The following DMD variants were observed in gnomAD, a reference collection of about 807,000 sequenced individuals.
The protein encoded by DMD is dystrophin.
A neutral mutation model predicts 330.1 loss-of-function variants in DMD; 63 were observed. That is an observed-to-expected ratio of 0.19 (90% CI 0.16 to 0.24). DMD has a LOEUF of 0.24. DMD is among the 10% of genes least tolerant of loss of function. The probability of loss-of-function intolerance (pLI) is 1.00; values close to 1 mark genes in which losing one functional copy is unlikely to be tolerated. For missense variants in DMD, 3,344 were observed against 2,684.1 expected (o/e 1.25, Z -5.43); for synonymous variants, 1,223 against 959.8 (o/e 1.27, Z -5.07).
At position 33,049,636 on chromosome X, in the gene DMD, C is replaced by A. The variant is rs774339810; in HGVS notation, c.32-29436G>T. Among the ~76,000 whole-genome samples the A allele has an allele frequency of 1.0e-4, 11 of 110,508 alleles. No individual in the cohort carries two copies. The South Asian group carries it at 2.3e-3, about 23-fold the overall frequency. On this transcript the variant is annotated intron_variant, in intron 1 of 78. Coordinates refer to ENST00000357033, the MANE Select transcript of DMD (RefSeq NM_004006.3). Reference sequence around the variant, plus strand: ...TACTAAACTTGCCTAAATTAGGCCACCTCCCTCCAGAGAACAAAAGGAAAC... The same window carrying A: ...TACTAAACTTGCCTAAATTAGGCCAACTCCCTCCAGAGAACAAAAGGAAAC...
chrX:31,872,234 C>A (rs1227967925), intron 48 of DMD, among the ~76,000 whole-genome samples: 1 of 110,922 alleles, frequency 9.0e-6, no homozygotes, highest in Admixed American at 9.6e-5. Flanking sequence ...AGCTCCCTCT[C>A]CCCTCAGTGA....
At chrX:32,410,527 T>C (rs1454489397) in intron 30 of DMD, among the ~76,000 whole-genome samples, 1 of 111,693 alleles carries the variant, frequency 9.0e-6, no homozygotes, top group Non-Finnish European at 1.9e-5. Flanking sequence ...AAATCTAATA[T>C]ATCACCCCCA....
At chrX:32,485,462 C>T (rs1446680967) in intron 20 of DMD, among the ~76,000 whole-genome samples, 3 of 110,359 alleles carry the variant, frequency 2.7e-5, no homozygotes, top group Admixed American at 9.8e-5. Context: ...AAATGATGTG[C>T]GCTTGCTTCA....
At chrX:32,883,846 A>AAAAAAAAGAAAAG (rs2084251414) in intron 2 of DMD, among the ~76,000 whole-genome samples, 4 of 101,963 alleles carry the variant, frequency 3.9e-5, no homozygotes, top group African/African-American at 1.5e-4. Flanking sequence ...AAAAAAAAAA[A>AAAAAAAAGAAAAG]AAAAAGAAAA....
At chrX:32,220,857 A>G (rs746470836) in intron 43 of DMD, among the ~76,000 whole-genome samples, 89 of 108,572 alleles carry the variant, frequency 8.2e-4, no homozygotes, top group African/African-American at 2.8e-3. Flanking sequence ...TAGGAAAAAA[A>G]GTTTTTTTTC....
chrX:31,203,821 A>C, intron 67 of DMD, 140 bp downstream of exon 67: 1 of 532,184 alleles, frequency 1.9e-6, no homozygotes, highest in Non-Finnish European at 3.2e-6. Flanking sequence ...CTGCTTACTT[A>C]CAGAGGTTCC....
intron 16 of DMD, among the ~76,000 whole-genome samples, chrX:32,559,764 T>C (rs1020555691): frequency 4.2e-4 from 47 of 112,340 alleles, no homozygotes; most frequent in Non-Finnish European, 6.9e-4. Context: ...GCTTATCATT[T>C]ACAGCTATGT....
chrX:32,062,020 T>C (rs1032358336), intron 44 of DMD, among the ~76,000 whole-genome samples: 1 of 111,242 alleles, frequency 9.0e-6, no homozygotes, highest in African/African-American at 3.3e-5. Context: ...TCAATGTTTC[T>C]CATGCTGATT....
At chrX:31,294,430 C>T (rs1359416899) in intron 62 of DMD, among the ~76,000 whole-genome samples, 1 of 112,352 alleles carries the variant, frequency 8.9e-6, no homozygotes, top group Non-Finnish European at 1.9e-5. Flanking sequence ...ACATCCATGG[C>T]ATTAGAAAGA....
intron 48 of DMD, 71 bp from the exon 49 acceptor site, chrX:31,836,890 C>T: frequency 1.1e-6 from 1 of 888,646 alleles, no homozygotes. Context: ...TTTAAATATA[C>T]CCTTGGAGAC....
chrX:31,298,343 A>G (rs2054343314), intron 62 of DMD, among the ~76,000 whole-genome samples: 1 of 110,748 alleles, frequency 9.0e-6, no homozygotes, highest in Non-Finnish European at 1.9e-5. Flanking sequence ...GAAAAACATA[A>G]GTGCTAGATA....
At position 32,766,998 on chromosome X, in the gene DMD, G is replaced by T. The variant is rs776154438; in HGVS notation, c.649+42495C>A. On this transcript the variant is annotated intron_variant, in intron 7 of 78. Transcript: ENST00000357033. Reference sequence around the variant, plus strand: ...GATTCAATTCAAGCTGTCCAATGCCGCATTAATACATACCATTAAACAAAA... The same window carrying T: ...GATTCAATTCAAGCTGTCCAATGCCTCATTAATACATACCATTAAACAAAA... Among the ~76,000 whole-genome samples the T allele has an allele frequency of 2.7e-5, 3 of 111,391 alleles. No individual in the cohort carries two copies. The South Asian group carries it at 1.1e-3, about 42-fold the overall frequency.
At chrX:33,019,352 T>C (rs142621136) in intron 2 of DMD, among the ~76,000 whole-genome samples, 81 of 111,747 alleles carry the variant, frequency 7.2e-4, no homozygotes, top group African/African-American at 2.5e-3. Flanking sequence ...TTCCATTATC[T>C]AGATTTGATG....
chrX:32,554,664 A>G (rs1017601421), intron 16 of DMD, among the ~76,000 whole-genome samples: 1 of 107,952 alleles, frequency 9.3e-6, no homozygotes, highest in African/African-American at 3.3e-5. Flanking sequence ...TCCAGATGGA[A>G]TCATAGCTGA....
intron 1 of DMD, among the ~76,000 whole-genome samples, chrX:33,220,898 C>A (rs2052161834): frequency 1.8e-5 from 2 of 111,780 alleles, no homozygotes; most frequent in Non-Finnish European, 3.8e-5. Flanking sequence ...ATGTTGATAA[C>A]TTTAGCTCTC....
At chrX:32,596,353 T>C (rs1467460539) in intron 12 of DMD, among the ~76,000 whole-genome samples, 5 of 109,850 alleles carry the variant, frequency 4.6e-5, no homozygotes, top group African/African-American at 1.7e-4. Context: ...ATATTTATCC[T>C]ACTATTCACT....
chrX:31,139,461 C>T (rs759202536), intron 76 of DMD, among the ~76,000 whole-genome samples: 243 of 92,468 alleles, frequency 2.6e-3, no homozygotes, highest in Non-Finnish European at 3.5e-3. Flanking sequence ...GCAGTATGTA[C>T]GTGGTGTTTA....
chrX:31,332,794 G>C (rs1010436140), intron 61 of DMD, among the ~76,000 whole-genome samples: 5 of 111,943 alleles, frequency 4.5e-5, no homozygotes, highest in African/African-American at 1.3e-4. Context: ...TCTGTGTTAA[G>C]AGCACAGAGC....
chrX:32,614,593 T>C (rs1757203858), intron 11 of DMD, 140 bp from the exon 12 acceptor site: 3 of 499,720 alleles, frequency 6.0e-6, no homozygotes, highest in Non-Finnish European at 6.7e-6. Flanking sequence ...AGGATGTAAG[T>C]AAAGCCCACT....
Sources: allele counts gnomAD v4.1 joint callset (sites outside exome capture counted in the v4.1 genomes callset), GRCh38; gene constraint gnomAD v4.1.1; transcripts MANE v1.5; gene names NCBI Gene and HGNC (gene_info 2026-07-23, HGNC 2026-07-21).